The following LRRC3B variants were observed in gnomAD, a reference collection of about 807,000 sequenced individuals.
LRRC3B encodes leucine-rich repeat-containing protein 3B.
A neutral mutation model predicts 12.8 loss-of-function variants in LRRC3B; 2 were observed. The ratio of observed to expected loss-of-function variants is 0.16; its 90% CI spans 0.06 to 0.49. The LOEUF (loss-of-function observed/expected upper bound fraction) is 0.49. Among genes scored for constraint, LRRC3B ranks in the 20% least tolerant of loss-of-function variants. The pLI is 0.96. For missense variants in LRRC3B, 189 were observed against 319.4 expected (o/e 0.59, Z 3.11); for synonymous variants, 132 against 122.0 (o/e 1.08, Z -0.54).
At chr3:26,695,170 A>C (rs1435462534) in intron 1 of LRRC3B, among the ~76,000 whole-genome samples, 1 of 152,092 alleles carries the variant, frequency 6.6e-6, no homozygotes, top group Non-Finnish European at 1.5e-5. Context: ...ATTCATTTTG[A>C]TGTACCATAT....
intron 1 of LRRC3B, among the ~76,000 whole-genome samples, chr3:26,653,490 G>A (rs564750355): frequency 1.6e-4 from 25 of 152,158 alleles, no homozygotes; most frequent in Admixed American, 1.6e-3. Context: ...AAGCTGACAT[G>A]TCATTTCTCA....
At chr3:26,695,458 C>T (rs1310354724) in intron 1 of LRRC3B, among the ~76,000 whole-genome samples, 1 of 152,054 alleles carries the variant, frequency 6.6e-6, no homozygotes, top group Non-Finnish European at 1.5e-5. Flanking sequence ...AACCGGGAGG[C>T]GGAGCTTGCA....
At chr3:26,668,671 T>C (rs891560019) in intron 1 of LRRC3B, among the ~76,000 whole-genome samples, 3 of 152,212 alleles carry the variant, frequency 2.0e-5, no homozygotes, top group African/African-American at 7.2e-5. Context: ...TTTGCTTTTT[T>C]GTTGTTTATT....
chr3:26,673,257 C>T (rs1438163494), intron 1 of LRRC3B, among the ~76,000 whole-genome samples: 1 of 152,058 alleles, frequency 6.6e-6, no homozygotes, highest in East Asian at 1.9e-4. Flanking sequence ...TGAATTCATA[C>T]AGTCTTTTAT....
At chr3:26,692,325 T>C (rs1343551625) in intron 1 of LRRC3B, among the ~76,000 whole-genome samples, 2 of 152,204 alleles carry the variant, frequency 1.3e-5, no homozygotes, top group Non-Finnish European at 2.9e-5. Context: ...CCCTGGACTA[T>C]ACTAATACAG....
intron 1 of LRRC3B, chr3:26,623,857 A>G (rs1698562055): frequency 6.6e-6 from 1 of 152,432 alleles, no homozygotes; most frequent in East Asian, 1.9e-4. Context: ...CTGCAAGTGC[A>G]GATATGGGTG....
chr3:26,709,926 A>G, exon 2 of LRRC3B: 3 of 1,614,150 alleles, frequency 1.9e-6, no homozygotes, highest in African/African-American at 1.3e-5. Flanking sequence ...GAAATTTTTA[A>G]GGACCTCCAT....
chr3:26,630,882 T>C (rs1177662120), intron 1 of LRRC3B, among the ~76,000 whole-genome samples: 4 of 152,178 alleles, frequency 2.6e-5, no homozygotes, highest in Non-Finnish European at 5.9e-5. Context: ...CTCAGTTGTT[T>C]TTCCAAGACA....
At chr3:26,678,430 G>A (rs1212116888) in intron 1 of LRRC3B, among the ~76,000 whole-genome samples, 2 of 151,998 alleles carry the variant, frequency 1.3e-5, no homozygotes, top group East Asian at 1.9e-4. Context: ...GGAGGCGAAG[G>A]TTACAGTGAT....
At chr3:26,667,276 T>C (rs1699625865) in intron 1 of LRRC3B, among the ~76,000 whole-genome samples, 4 of 152,298 alleles carry the variant, frequency 2.6e-5, no homozygotes, top group African/African-American at 7.2e-5. Context: ...TTATTAAGTT[T>C]GTTAAGGGTT....
chr3:26,692,618 T>A (rs1700214527), intron 1 of LRRC3B, among the ~76,000 whole-genome samples: 1 of 152,238 alleles, frequency 6.6e-6, no homozygotes, highest in South Asian at 2.1e-4. Flanking sequence ...ATTATACTTT[T>A]ATTAAAAAGC....
intron 1 of LRRC3B, among the ~76,000 whole-genome samples, chr3:26,686,689 G>GGAA (rs1274937237): frequency 6.6e-6 from 1 of 152,208 alleles, no homozygotes; most frequent in Non-Finnish European, 1.5e-5. Context: ...GAGATTCTAG[G>GGAA]GAAGAAGACT....
rs1287460330 is a variant in LRRC3B at position 26,709,540 on chromosome 3, A to G, written c.-133A>G. ...GCCCAAGCAAGGAAAGAAATAATGA[A>G]GAGACACATGTGTTAGCTGCAGCCT... On this transcript the variant is annotated 5_prime_UTR_variant, in exon 2 of 2. Coordinates refer to ENST00000396641, the Ensembl canonical transcript of LRRC3B. 4 of 831,540 alleles carry G rather than the reference A, an allele frequency of 4.8e-6. No individual in the cohort carries two copies. In the East Asian group the frequency reaches 7.3e-5, roughly 15 times the overall value. 51.5% of individuals were successfully genotyped at this position (831,540 alleles called of 1,614,324 possible). A position where few individuals can be genotyped will look rare whatever the true frequency, so the allele number is the denominator to read the frequency against.
intron 1 of LRRC3B, among the ~76,000 whole-genome samples, chr3:26,628,964 A>G (rs982452631): frequency 8.0e-4 from 122 of 152,264 alleles, no homozygotes; most frequent in African/African-American, 2.8e-3. Flanking sequence ...AAGCTCTCTA[A>G]GCTACCTTTT....
intron 1 of LRRC3B, among the ~76,000 whole-genome samples, chr3:26,679,258 A>G (rs1699922556): frequency 6.6e-6 from 1 of 152,228 alleles, no homozygotes. Context: ...TTCAATATGT[A>G]AATCAGTTCA....
At chr3:26,653,808 C>T (rs1157666947) in intron 1 of LRRC3B, among the ~76,000 whole-genome samples, 4 of 152,064 alleles carry the variant, frequency 2.6e-5, no homozygotes, top group African/African-American at 7.2e-5. Context: ...ATATGTGTGT[C>T]CTGAAGTAGT....
intron 1 of LRRC3B, among the ~76,000 whole-genome samples, chr3:26,703,684 G>A (rs972590014): frequency 6.6e-6 from 1 of 151,484 alleles, no homozygotes; most frequent in Admixed American, 6.6e-5. Context: ...TACAGAGATT[G>A]TGGTTTGGTT....
intron 1 of LRRC3B, among the ~76,000 whole-genome samples, chr3:26,701,954 G>A (rs1305307817): frequency 1.3e-5 from 2 of 152,148 alleles, no homozygotes; most frequent in African/African-American, 2.4e-5. Context: ...TTACCATCCT[G>A]CTAGATGAAT....
At chr3:26,651,877 G>C (rs1171157603) in intron 1 of LRRC3B, among the ~76,000 whole-genome samples, 1 of 152,128 alleles carries the variant, frequency 6.6e-6, no homozygotes, top group African/African-American at 2.4e-5. Flanking sequence ...GTTTACTAGC[G>C]TTAGACCCTT....
Sources: allele counts gnomAD v4.1 joint callset (sites outside exome capture counted in the v4.1 genomes callset), GRCh38; gene constraint gnomAD v4.1.1; transcripts MANE v1.5; gene names NCBI Gene and HGNC (gene_info 2026-07-23, HGNC 2026-07-21).